SLC39A11: variants seen among roughly 807,000 people sequenced by gnomAD.
SLC39A11 encodes the protein solute carrier family 39 member 11, also known as zinc transporter ZIP11.
A neutral mutation model predicts 36.1 loss-of-function variants in SLC39A11; 33 were observed. The ratio of observed to expected loss-of-function variants is 0.91; its 90% confidence interval spans 0.69 to 1.22. The LOEUF (loss-of-function observed/expected upper bound fraction) is 1.22, where lower values mean the gene tolerates loss of function less well. Among genes scored for constraint, SLC39A11 ranks in the 50% most tolerant of loss-of-function variants. The probability of loss-of-function intolerance (pLI) is 0.00; values close to 1 mark genes in which losing one functional copy is unlikely to be tolerated. For synonymous variants in SLC39A11, 166 were observed against 170.3 expected (o/e 0.97, Z 0.20); for missense variants, 432 against 430.3 (o/e 1.00, Z -0.03).
At chr17:72,766,277 G>T (rs549127461) in intron 6 of SLC39A11, among the ~76,000 whole-genome samples, 12 of 152,138 alleles carry the variant, frequency 7.9e-5, no homozygotes, top group Non-Finnish European at 1.6e-4. Flanking sequence ...GTTAAGTTGC[G>T]CTATGGGTGG....
rs377102957 is a variant in SLC39A11, at chr17:72,764,260, C to T, written c.602-27541G>A. 5.3e-5 allele frequency among the ~76,000 whole-genome samples: 8 copies of T among 152,196 alleles called. No homozygotes were observed. In the East Asian group the frequency reaches 9.7e-4, roughly 18 times the overall value. On this transcript the variant is annotated intron_variant, in intron 6 of 9. Coordinates refer to ENST00000255559, the MANE Select transcript of SLC39A11 (RefSeq NM_139177.4). ...TGACCTTTGGGGAGGTGGGAGACAG[C>T]CTGGGGGCTCAGGGAGCTGTGTGCT...
At chr17:72,915,842 A>T (rs1019356110) in intron 5 of SLC39A11, among the ~76,000 whole-genome samples, 1 of 152,210 alleles carries the variant, frequency 6.6e-6, no homozygotes, top group African/African-American at 2.4e-5. Context: ...CATTTTTTCA[A>T]AAGTCTGCTA....
At chr17:72,783,639 T>C (rs2076398574) in intron 6 of SLC39A11, among the ~76,000 whole-genome samples, 1 of 152,154 alleles carries the variant, frequency 6.6e-6, no homozygotes, top group Non-Finnish European at 1.5e-5. Flanking sequence ...ATGGATGGTG[T>C]GAAGCCGTGG....
At chr17:73,025,027 C>T (rs545077097) in intron 4 of SLC39A11, among the ~76,000 whole-genome samples, 1 of 152,122 alleles carries the variant, frequency 6.6e-6, no homozygotes, top group South Asian at 2.1e-4. Context: ...AAACTGGGTA[C>T]ATATTCAAAG....
chr17:72,929,995 T>G (rs114546289), intron 5 of SLC39A11, among the ~76,000 whole-genome samples: 2,310 of 152,306 alleles, frequency 0.015, 61 homozygotes, highest in African/African-American at 0.05. Flanking sequence ...AGTAGAGGCA[T>G]GGAAAACAGA....
chr17:72,731,336 G>A (rs1028123252), intron 7 of SLC39A11, among the ~76,000 whole-genome samples: 1 of 152,150 alleles, frequency 6.6e-6, no homozygotes, highest in Admixed American at 6.5e-5. Flanking sequence ...CCCAGTCCCT[G>A]GTGGATATGG....
intron 4 of SLC39A11, among the ~76,000 whole-genome samples, chr17:73,017,055 CT>C (rs1464495721): frequency 1.3e-5 from 2 of 152,166 alleles, no homozygotes; most frequent in Non-Finnish European, 2.9e-5. Flanking sequence ...CACATAGCTT[CT>C]TCTTAAAATG....
At chr17:72,866,310 A>C (rs2080300878) in intron 5 of SLC39A11, among the ~76,000 whole-genome samples, 1 of 152,204 alleles carries the variant, frequency 6.6e-6, no homozygotes, top group African/African-American at 2.4e-5. Context: ...CATTACCCCC[A>C]GATGGGACCA....
At chr17:72,983,408 C>T (rs749465015) in intron 4 of SLC39A11, among the ~76,000 whole-genome samples, 2 of 152,176 alleles carry the variant, frequency 1.3e-5, no homozygotes, top group Non-Finnish European at 2.9e-5. Flanking sequence ...CTCGGCCTCC[C>T]GAAGTGCTGG....
rs143812785 is a variant in SLC39A11 at position 72,959,972 on chromosome 17, A to C, written c.307-12097T>G. Among the ~76,000 whole-genome samples, 457 of 152,302 alleles carry C rather than the reference A, an allele frequency of 3.0e-3. 3 individuals carry two copies. Among genetic ancestry groups the C allele is most frequent in the African/African-American group, 0.01 (421 of 41,564 alleles). On this transcript the variant is annotated intron_variant, in intron 4 of 9. Coordinates refer to ENST00000255559, the MANE Select transcript of SLC39A11 (RefSeq NM_139177.4). ...ATTCTGCAGACAAATATGTTTGGTG[A>C]GGTCTATTTCATAAGCAGATAAAGA...
At chr17:72,963,976 A>G (rs183497163) in intron 4 of SLC39A11, among the ~76,000 whole-genome samples, 3 of 152,334 alleles carry the variant, frequency 2.0e-5, no homozygotes, top group African/African-American at 7.2e-5. Context: ...GCTGCAAAAT[A>G]TAAGTTTTAG....
chr17:73,010,305 T>C (rs1389767617), intron 4 of SLC39A11, among the ~76,000 whole-genome samples: 1 of 152,172 alleles, frequency 6.6e-6, no homozygotes, highest in African/African-American at 2.4e-5. Flanking sequence ...TGTTACTTAA[T>C]CAACTGCAGG....
At chr17:72,800,252 G>T (rs1415180678) in intron 6 of SLC39A11, among the ~76,000 whole-genome samples, 1 of 149,674 alleles carries the variant, frequency 6.7e-6, no homozygotes, top group Non-Finnish European at 1.5e-5. Flanking sequence ...GAAATGCAAA[G>T]AAGGTCCAAA....
intron 7 of SLC39A11, among the ~76,000 whole-genome samples, chr17:72,683,045 TCA>T (rs2071573261): frequency 6.6e-6 from 1 of 152,230 alleles, no homozygotes; most frequent in Admixed American, 6.5e-5. Context: ...GAACTGTCAC[TCA>T]CAGCACCTTT....
At chr17:73,040,773 T>C (rs1015992543) in intron 3 of SLC39A11, among the ~76,000 whole-genome samples, 3 of 151,978 alleles carry the variant, frequency 2.0e-5, no homozygotes, top group Admixed American at 6.6e-5. Context: ...TCACTTGAGG[T>C]CAAGAGTTTG....
In SLC39A11 at chr17:72,825,192, T is replaced by C. The variant is rs77712578; in HGVS notation, c.601+24442A>G. 5.9e-3 allele frequency among the ~76,000 whole-genome samples: 824 copies of C among 140,852 alleles called. 19 individuals are homozygous for C. Among genetic ancestry groups the C allele is most frequent in the Middle Eastern group, 0.018 (5 of 274 alleles). The allele number at this position is 140,852 out of a possible 152,430, so 92.4% of individuals were successfully genotyped here. A position where few individuals can be genotyped will look rare whatever the true frequency, so the allele number is the denominator to read the frequency against. On this transcript the variant is annotated intron_variant, in intron 6 of 9. Transcript: ENST00000255559. ...CAGGGCCCTGTTGCCCTGCACAACA[T>C]TGGGACACTGCTCCCTGCATCCCAG...
chr17:72,679,946 G>C (rs2071438075), intron 7 of SLC39A11, among the ~76,000 whole-genome samples: 1 of 148,176 alleles, frequency 6.7e-6, no homozygotes, highest in Non-Finnish European at 1.5e-5. Flanking sequence ...GGAGGCTGAG[G>C]CAGGAAAATC....
At chr17:73,069,666 T>C (rs1482993086) in intron 3 of SLC39A11, among the ~76,000 whole-genome samples, 2 of 152,184 alleles carry the variant, frequency 1.3e-5, no homozygotes, top group Admixed American at 6.5e-5. Context: ...TAATAATCTG[T>C]GTATGGATTT....
chr17:72,720,900 T>C (rs1046944760), intron 7 of SLC39A11, among the ~76,000 whole-genome samples: 1 of 152,008 alleles, frequency 6.6e-6, no homozygotes, highest in Non-Finnish European at 1.5e-5. Flanking sequence ...ACACATACAA[T>C]GAGGTATGAG....
Sources: allele counts gnomAD v4.1 joint callset (sites outside exome capture counted in the v4.1 genomes callset), GRCh38; gene constraint gnomAD v4.1.1; transcripts MANE v1.5; gene names NCBI Gene and HGNC (gene_info 2026-07-23, HGNC 2026-07-21).